NDUFAF2: variants seen among roughly 807,000 people sequenced by gnomAD.
NDUFAF2 encodes NADH dehydrogenase [ubiquinone] 1 alpha subcomplex assembly factor 2.
In NDUFAF2, 13 loss-of-function variants were observed where a neutral mutation model predicts 22.8. The ratio of observed to expected loss-of-function variants is 0.57; its 90% CI spans 0.37 to 0.91. The LOEUF (loss-of-function observed/expected upper bound fraction) is 0.91. NDUFAF2 is among the 40% of genes least tolerant of loss of function. The pLI, the probability that NDUFAF2 is intolerant of heterozygous loss-of-function variation, is 0.01. For synonymous variants in NDUFAF2, 53 were observed against 64.2 expected (o/e 0.83, Z 0.84); for missense variants, 162 against 195.2 (o/e 0.83, Z 1.01).
chr5:61,046,526 G>A (rs1440304770), intron 1 of NDUFAF2, among the ~76,000 whole-genome samples: 2 of 151,962 alleles, frequency 1.3e-5, no homozygotes, highest in East Asian at 1.9e-4. Flanking sequence ...AGTCTTGGTA[G>A]GTTGTGTCTC....
At chr5:60,949,256 A>G (rs767664623) in intron 1 of NDUFAF2, among the ~76,000 whole-genome samples, 32 of 152,098 alleles carry the variant, frequency 2.1e-4, no homozygotes, top group Non-Finnish European at 3.8e-4. Flanking sequence ...GTTCTCTGCC[A>G]TTATACTTTT....
intron 3 of NDUFAF2, among the ~76,000 whole-genome samples, chr5:61,111,736 A>C (rs1166581217): frequency 6.6e-6 from 1 of 151,904 alleles, no homozygotes; most frequent in Admixed American, 6.6e-5. Context: ...CTCCTGCCTC[A>C]GCCTCCTGAG....
intron 1 of NDUFAF2, among the ~76,000 whole-genome samples, chr5:61,005,454 G>A (rs989798276): frequency 6.6e-5 from 10 of 152,190 alleles, no homozygotes; most frequent in Non-Finnish European, 1.5e-4. Flanking sequence ...TTTATGCCCA[G>A]TAATGGGATG....
intron 3 of NDUFAF2, among the ~76,000 whole-genome samples, chr5:61,143,212 C>G (rs1260087598): frequency 6.6e-6 from 1 of 152,062 alleles, no homozygotes; most frequent in Non-Finnish European, 1.5e-5. Flanking sequence ...ACAAATGTTA[C>G]TGGTATGGGG....
In NDUFAF2 at chr5:61,110,146, C is replaced by T. The variant is rs201983095; in HGVS notation, c.258+11114C>T. ...CATCTTTGCATCCCTAGGATAAATC[C>T]TACTTAGTCATGATGAATGATCTTT... On this transcript the variant is annotated intron_variant, in intron 3 of 3. Transcript: ENST00000296597. 1.2e-4 allele frequency among the ~76,000 whole-genome samples: 18 copies of T among 152,172 alleles called. No homozygotes were observed. The East Asian group carries it at 3.5e-3, about 29-fold the overall frequency.
intron 1 of NDUFAF2, among the ~76,000 whole-genome samples, chr5:60,991,322 A>G (rs1269120912): frequency 3.3e-5 from 5 of 152,204 alleles, no homozygotes; most frequent in Non-Finnish European, 5.9e-5. Context: ...TTGAGTCACA[A>G]TCAATCAATT....
At chr5:61,025,055 G>A (rs368481758) in intron 1 of NDUFAF2, among the ~76,000 whole-genome samples, 97 of 152,074 alleles carry the variant, frequency 6.4e-4, no homozygotes, top group African/African-American at 2.3e-3. Context: ...TGATATAGCT[G>A]TCCCTCTCTT....
intron 1 of NDUFAF2, among the ~76,000 whole-genome samples, chr5:60,985,410 T>C (rs1031311737): frequency 1.3e-5 from 2 of 152,168 alleles, no homozygotes; most frequent in African/African-American, 4.8e-5. Flanking sequence ...TCTGCTCTGA[T>C]CTTAGTTATT....
intron 1 of NDUFAF2, among the ~76,000 whole-genome samples, chr5:61,066,584 T>G (rs1171833542): frequency 8.0e-6 from 1 of 124,360 alleles, no homozygotes; most frequent in Admixed American, 8.9e-5. Context: ...TATACATATA[T>G]GGTCAACTAA....
At chr5:60,966,918 T>C (rs976014112) in intron 1 of NDUFAF2, among the ~76,000 whole-genome samples, 5 of 152,128 alleles carry the variant, frequency 3.3e-5, no homozygotes, top group African/African-American at 4.8e-5. Flanking sequence ...GCAGTGAATC[T>C]GTAGATTGCA....
chr5:61,007,185 C>T (rs1194127299), intron 1 of NDUFAF2, among the ~76,000 whole-genome samples: 3 of 151,870 alleles, frequency 2.0e-5, no homozygotes, highest in Middle Eastern at 3.4e-3. Flanking sequence ...ACATGAAGTC[C>T]TTGCCCATGC....
chr5:61,095,179 C>T (rs1274093504), intron 2 of NDUFAF2, among the ~76,000 whole-genome samples: 1 of 152,100 alleles, frequency 6.6e-6, no homozygotes, highest in Non-Finnish European at 1.5e-5. Flanking sequence ...GCTGGAGGCC[C>T]CAGTGGGGAG....
At chr5:61,002,067 T>C (rs928799039) in intron 1 of NDUFAF2, among the ~76,000 whole-genome samples, 9 of 151,994 alleles carry the variant, frequency 5.9e-5, no homozygotes, top group Admixed American at 5.2e-4. Flanking sequence ...GAGATGACGA[T>C]GAGAGCAGTG....
At chr5:61,004,013 C>CTT (rs75625671) in intron 1 of NDUFAF2, among the ~76,000 whole-genome samples, 1 of 151,214 alleles carries the variant, frequency 6.6e-6, no homozygotes, top group Admixed American at 6.6e-5. Context: ...TGTATCCTTT[C>CTT]TTTTTTTTCT....
At chr5:61,076,591 G>C (rs1752373488) in intron 2 of NDUFAF2, among the ~76,000 whole-genome samples, 1 of 152,198 alleles carries the variant, frequency 6.6e-6, no homozygotes, top group Non-Finnish European at 1.5e-5. Context: ...TAAGGTTAGA[G>C]AGTTAATAGG....
At chr5:61,062,097 A>T in intron 1 of NDUFAF2, among the ~76,000 whole-genome samples, 1 of 152,196 alleles carries the variant, frequency 6.6e-6, no homozygotes, top group Non-Finnish European at 1.5e-5. Context: ...AGTTTGGAAG[A>T]GGTGACTGTA....
At chr5:60,947,891 T>C (rs1750484786) in intron 1 of NDUFAF2, among the ~76,000 whole-genome samples, 1 of 152,192 alleles carries the variant, frequency 6.6e-6, no homozygotes, top group Non-Finnish European at 1.5e-5. Context: ...ATGTCTATTC[T>C]ACAATAACAT....
chr5:60,961,452 G>A (rs1054406361), intron 1 of NDUFAF2, among the ~76,000 whole-genome samples: 4 of 152,014 alleles, frequency 2.6e-5, no homozygotes, highest in Non-Finnish European at 4.4e-5. Flanking sequence ...AAAATTAGCC[G>A]GGCATGGTGG....
intron 1 of NDUFAF2, among the ~76,000 whole-genome samples, chr5:61,022,238 T>G (rs73759459): frequency 0.017 from 2,591 of 152,324 alleles, 80 homozygotes; most frequent in African/African-American, 0.059. Flanking sequence ...TTACTGTTAT[T>G]ATCAATATTA....
Sources: gnomAD v4.1 joint callset for allele counts (sites outside exome capture counted in the v4.1 genomes callset) on GRCh38, gnomAD v4.1.1 for gene constraint, MANE v1.5 for transcripts, NCBI Gene and HGNC (gene_info 2026-07-23, HGNC 2026-07-21) for gene names.